Variants in BTBD9 observed in about 807,000 individuals in gnomAD.
BTBD9 encodes BTB/POZ domain-containing protein 9.
A neutral mutation model predicts 64.3 loss-of-function variants in BTBD9; 49 were observed. The ratio of observed to expected loss-of-function variants is 0.76; its 90% CI spans 0.61 to 0.97. BTBD9 has a LOEUF of 0.97. BTBD9 is among the 50% of genes least tolerant of loss of function. The probability of loss-of-function intolerance (pLI) is 0.00; values close to 1 mark genes in which losing one functional copy is unlikely to be tolerated. For missense variants in BTBD9, 598 were observed against 762.1 expected (o/e 0.78, Z 2.53); for synonymous variants, 260 against 274.7 (o/e 0.95, Z 0.53).
chr6:38,420,622 C>G (rs1377108397), intron 6 of BTBD9, among the ~76,000 whole-genome samples: 1 of 152,044 alleles, frequency 6.6e-6, no homozygotes, highest in East Asian at 1.9e-4. Context: ...CTTTGGGAAG[C>G]TGAGGCAGGG....
intron 9 of BTBD9, among the ~76,000 whole-genome samples, chr6:38,221,587 C>T (rs1763197697): frequency 6.6e-6 from 1 of 152,198 alleles, no homozygotes; most frequent in Non-Finnish European, 1.5e-5. Context: ...CCCAGCTAGA[C>T]TGTGAATGCC....
intron 7 of BTBD9, among the ~76,000 whole-genome samples, chr6:38,322,015 C>T (rs770395727): frequency 9.9e-5 from 15 of 151,632 alleles, no homozygotes; most frequent in Non-Finnish European, 1.5e-4. Flanking sequence ...CAAAGGATTG[C>T]GAATGCTGTG....
chr6:38,336,178 G>A (rs1043563339), intron 7 of BTBD9, among the ~76,000 whole-genome samples: 19 of 152,204 alleles, frequency 1.2e-4, no homozygotes, highest in African/African-American at 4.6e-4. Context: ...TCCATCAGGT[G>A]CAAGGTGGTC....
intron 1 of BTBD9, chr6:38,613,062 CAA>C (rs1374410621): frequency 6.6e-6 from 1 of 152,100 alleles, no homozygotes; most frequent in African/African-American, 2.4e-5. Flanking sequence ...AATTGTATTT[CAA>C]AGACTTACTA....
chr6:38,223,276 G>C lies in BTBD9; in HGVS notation c.1563-30679C>G, dbSNP rs148413071. Among the ~76,000 whole-genome samples the C allele has an allele frequency of 1.9e-4, 29 of 152,286 alleles. 1 individual carries two copies. In the East Asian group the frequency reaches 5.6e-3, roughly 29 times the overall value. ...CTTAATAGTCAATCCCATGAAACTA[G>C]AGCATTAAATAATCACCCTTCTAAA... On this transcript the variant is annotated intron_variant, in intron 9 of 10. Coordinates refer to ENST00000481247, the MANE Select transcript of BTBD9 (RefSeq NM_001099272.2).
At chr6:38,487,237 TCTC>T (rs558224584) in intron 6 of BTBD9, among the ~76,000 whole-genome samples, 117 of 152,322 alleles carry the variant, frequency 7.7e-4, no homozygotes, top group African/African-American at 2.7e-3. Flanking sequence ...ATATAAATTA[TCTC>T]CTGTCATTCT....
At position 38,178,649 on chromosome 6, in the gene BTBD9, G is replaced by T. The variant is rs376631976; in HGVS notation, c.1642-3467C>A. Among the ~76,000 whole-genome samples the T allele has an allele frequency of 5.9e-5, 9 of 151,950 alleles. No individual in the cohort carries two copies. In the East Asian group the frequency reaches 1.6e-3, roughly 26 times the overall value. ...AGCCAAGCTAGAGAGGATGGAGGAG[G>T]GGGGGACTTGGTGTGGAAGAAAAAC... On this transcript the variant is annotated intron_variant, in intron 10 of 10. Coordinates refer to ENST00000481247, the MANE Select transcript of BTBD9 (RefSeq NM_001099272.2).
chr6:38,602,853 C>A (rs181236751), intron 1 of BTBD9, among the ~76,000 whole-genome samples: 72 of 151,312 alleles, frequency 4.8e-4, no homozygotes, highest in Non-Finnish European at 6.2e-4. Context: ...TTAAAACTGG[C>A]AAGAGAAAAA....
intron 8 of BTBD9, among the ~76,000 whole-genome samples, chr6:38,287,646 T>C (rs1375358525): frequency 6.6e-6 from 1 of 152,204 alleles, no homozygotes; most frequent in Non-Finnish European, 1.5e-5. Context: ...TCTAGGTTTG[T>C]GTAAGGACAC....
intron 6 of BTBD9, among the ~76,000 whole-genome samples, chr6:38,363,763 T>C (rs568366699): frequency 1.2e-4 from 19 of 152,248 alleles, no homozygotes; most frequent in African/African-American, 4.3e-4. Flanking sequence ...CTGGGAGTAA[T>C]GGGAAGAAAT....
chr6:38,597,070 T>G (rs192543174), intron 2 of BTBD9, among the ~76,000 whole-genome samples: 1 of 152,174 alleles, frequency 6.6e-6, no homozygotes, highest in Non-Finnish European at 1.5e-5. Context: ...TGGAAGTTCA[T>G]GAAAAACCAT....
intron 9 of BTBD9, among the ~76,000 whole-genome samples, chr6:38,195,032 C>T (rs1185228523): frequency 6.6e-5 from 10 of 152,174 alleles, no homozygotes; most frequent in African/African-American, 2.2e-4. Flanking sequence ...TCAGCAGAGC[C>T]GGATAGCAAT....
At chr6:38,182,456 G>A (rs982541080) in intron 10 of BTBD9, among the ~76,000 whole-genome samples, 5 of 152,274 alleles carry the variant, frequency 3.3e-5, no homozygotes, top group Middle Eastern at 3.4e-3. Context: ...GTTCTTGTTC[G>A]CAGGCTTCTG....
At chr6:38,295,917 T>C (rs1157530234) in intron 7 of BTBD9, among the ~76,000 whole-genome samples, 2 of 152,058 alleles carry the variant, frequency 1.3e-5, no homozygotes, top group Admixed American at 1.3e-4. Context: ...GGTGTGATGG[T>C]GCATGCCTGT....
intron 6 of BTBD9, among the ~76,000 whole-genome samples, chr6:38,509,814 A>G (rs906576905): frequency 1.3e-5 from 2 of 152,192 alleles, no homozygotes; most frequent in African/African-American, 4.8e-5. Context: ...TAAATGATAA[A>G]TAAACACAGT....
intron 6 of BTBD9, among the ~76,000 whole-genome samples, chr6:38,384,865 C>A (rs1766086387): frequency 6.6e-6 from 1 of 152,084 alleles, no homozygotes; most frequent in East Asian, 1.9e-4. Context: ...GCATAAATAA[C>A]AACATGGGGA....
intron 6 of BTBD9, among the ~76,000 whole-genome samples, chr6:38,463,208 T>C (rs140529373): frequency 6.6e-6 from 1 of 152,378 alleles, no homozygotes; most frequent in African/African-American, 2.4e-5. Context: ...AGAAATACAA[T>C]TGATTTTTGT....
At chr6:38,470,580 T>C (rs1304622429) in intron 6 of BTBD9, among the ~76,000 whole-genome samples, 1 of 152,224 alleles carries the variant, frequency 6.6e-6, no homozygotes, top group Non-Finnish European at 1.5e-5. Flanking sequence ...ATCCTAGTGA[T>C]CTACTGGTTA....
intron 4 of BTBD9, among the ~76,000 whole-genome samples, chr6:38,589,826 C>A (rs750477619): frequency 6.6e-6 from 1 of 152,176 alleles, no homozygotes; most frequent in Non-Finnish European, 1.5e-5. Context: ...ACCATTGGAT[C>A]CATAGGAAAG....
Sources: gnomAD v4.1 joint callset for allele counts (sites outside exome capture counted in the v4.1 genomes callset) on GRCh38, gnomAD v4.1.1 for gene constraint, MANE v1.5 for transcripts, NCBI Gene and HGNC (gene_info 2026-07-23, HGNC 2026-07-21) for gene names.